The following QSOX2 variants were observed in gnomAD, a reference collection of about 807,000 sequenced individuals.
QSOX2 encodes the protein sulfhydryl oxidase 2.
A neutral mutation model predicts 61.7 loss-of-function variants in QSOX2; 46 were observed. The ratio of observed to expected loss-of-function variants is 0.75; its 90% CI spans 0.59 to 0.95. The LOEUF (loss-of-function observed/expected upper bound fraction) is 0.95, where lower values mean the gene tolerates loss of function less well. Ranked by LOEUF, QSOX2 falls within the 40% of genes least tolerant of loss-of-function variation. QSOX2 has a pLI of 0.00. For missense variants in QSOX2, 879 were observed against 918.9 expected (o/e 0.96, Z 0.56); for synonymous variants, 383 against 388.4 (o/e 0.99, Z 0.16).
At position 136,207,103 on chromosome 9, in the gene QSOX2, GCACCAGACACCGCTCC is replaced by G. The variant is rs1202216679; in HGVS notation, c.*1609_*1624del. The stretch of plus-strand genomic sequence containing the variant: ...GTGAGACACGAAGCAGCAGGCTGAC[GCACCAGACACCGCTCC>G]CACCAGACACCTCTCCCGCCAGCTG... On this transcript the variant is annotated 3_prime_UTR_variant, in exon 12 of 12. Coordinates refer to ENST00000358701, the MANE Select transcript of QSOX2 (RefSeq NM_181701.4). 1.3e-5 allele frequency: 2 copies of G among 152,228 alleles called. No individual in the cohort carries two copies. Among genetic ancestry groups the G allele is most frequent in the African/African-American group, 2.4e-5 (1 of 41,404 alleles). 9.4% of individuals were successfully genotyped at this position (152,228 alleles called of 1,614,324 possible).
In QSOX2 at chr9:136,207,749, G is replaced by C. The variant is rs369591468; in HGVS notation, c.*979C>G. The C allele has an allele frequency of 1.3e-5, 2 of 152,182 alleles. No individual in the cohort carries two copies. The highest frequency in any genetic ancestry group is 2.9e-5 in the Non-Finnish European group (2 of 68,084). 9.4% of individuals were successfully genotyped at this position (152,182 alleles called of 1,614,324 possible). A position where few individuals can be genotyped will look rare whatever the true frequency, so the allele number is the denominator to read the frequency against. ...GGTGCTGGGTGAAGAGCAGACGACA[G>C]GGGGGGCTTTAGAAGTCTCCCTGGG... On this transcript the variant is annotated 3_prime_UTR_variant, in exon 12 of 12. Coordinates refer to ENST00000358701, the MANE Select transcript of QSOX2 (RefSeq NM_181701.4).
intron 2 of QSOX2, among the ~76,000 whole-genome samples, chr9:136,225,999 C>T (rs1830276793): frequency 6.6e-6 from 1 of 152,184 alleles, no homozygotes; most frequent in African/African-American, 2.4e-5. Context: ...ACCGGTGCCG[C>T]CCAGCGTGGC....
intron 1 of QSOX2, among the ~76,000 whole-genome samples, chr9:136,236,100 C>T (rs893167900): frequency 3.6e-4 from 55 of 152,356 alleles, no homozygotes; most frequent in African/African-American, 1.3e-3. Context: ...CTCTCCCAGT[C>T]TAGACTCTGC....
At chr9:136,215,123 G>C in intron 10 of QSOX2, 31 bp downstream of exon 10, 1 of 1,600,622 alleles carries the variant, frequency 6.2e-7, no homozygotes, top group Non-Finnish European at 8.5e-7. Flanking sequence ...GCAGACCATC[G>C]GCCCCTCTGG....
At chr9:136,227,272 G>C (rs756854019) in intron 1 of QSOX2, among the ~76,000 whole-genome samples, 3 of 152,202 alleles carry the variant, frequency 2.0e-5, no homozygotes, top group Non-Finnish European at 4.4e-5. Context: ...GGTCCAGGCT[G>C]TTTGGCAAAA....
In QSOX2 at chr9:136,222,063, C is replaced by T; in HGVS notation, c.676-122G>A. The stretch of plus-strand genomic sequence containing the variant: ...AAAGGGCATGAAGTCTGTCCCCCTG[C>T]AGGCAAGACCCTCACTCAAATCTTC... On this transcript the variant is annotated intron_variant, in intron 5 of 11. Coordinates refer to ENST00000358701, the MANE Select transcript of QSOX2 (RefSeq NM_181701.4). The surrounding 1 kb of genome is among the most constrained non-coding windows in gnomAD (Gnocchi z 6.9). The T allele has an allele frequency of 3.1e-6, 3 of 969,344 alleles. No individual in the cohort carries two copies. The highest frequency in any genetic ancestry group is 4.3e-6 in the Non-Finnish European group (3 of 694,588). 60.0% of individuals were successfully genotyped at this position (969,344 alleles called of 1,614,324 possible). A position where few individuals can be genotyped will look rare whatever the true frequency, so the allele number is the denominator to read the frequency against.
intron 10 of QSOX2, among the ~76,000 whole-genome samples, chr9:136,212,585 T>C (rs1453045674): frequency 1.3e-5 from 2 of 152,258 alleles, no homozygotes; most frequent in African/African-American, 4.8e-5. Flanking sequence ...CACGGGCAGC[T>C]GGGCGGTGTC....
intron 1 of QSOX2, among the ~76,000 whole-genome samples, chr9:136,231,698 C>T (rs1830331900): frequency 6.6e-6 from 1 of 152,260 alleles, no homozygotes; most frequent in South Asian, 2.1e-4. Flanking sequence ...CCATGGCCTC[C>T]GTGCAGTTTC....
intron 10 of QSOX2, among the ~76,000 whole-genome samples, chr9:136,214,177 A>G (rs572756969): frequency 3.9e-5 from 6 of 152,248 alleles, no homozygotes; most frequent in Non-Finnish European, 8.8e-5. Context: ...GGGATAAAAA[A>G]TCCAATACAT....
chr9:136,228,879 T>C (rs962394106), intron 1 of QSOX2, among the ~76,000 whole-genome samples: 2 of 152,194 alleles, frequency 1.3e-5, no homozygotes, highest in African/African-American at 2.4e-5. Flanking sequence ...CTATAAATCA[T>C]GTAAAAAGAG....
chr9:136,226,232 C>T (rs985036593), intron 2 of QSOX2, among the ~76,000 whole-genome samples: 7 of 152,232 alleles, frequency 4.6e-5, no homozygotes, highest in African/African-American at 1.4e-4. Flanking sequence ...CAGTGGCACC[C>T]GCAGGTACAC....
Position 136,209,109 on chromosome 9 carries a change from G to A in QSOX2, c.1716C>T (p.Ser572=), listed in dbSNP as rs756832793. The part of the protein sequence containing the change: ...YGRDNLLDTY[S]ADQGDSSEGG... The stretch of plus-strand genomic sequence containing the variant: ...CTTCACTGGAATCCCCCTGGTCTGC[G>A]GAATACGTGTCTAAGAGGTTGTCGC... The change falls in exon 12 of 12, where the codon TCC becomes TCT. Residue 572 remains serine (S), a synonymous_variant. Transcript: ENST00000358701. The surrounding 1 kb of genome is among the most constrained non-coding windows in gnomAD (Gnocchi z 5.6). 12 of 1,614,042 alleles carry A rather than the reference G, an allele frequency of 7.4e-6. No homozygotes were observed. The highest frequency in any genetic ancestry group is 5.0e-5 in the Admixed American group (3 of 60,008).
chr9:136,238,805 C>A (rs1004895485), intron 1 of QSOX2, among the ~76,000 whole-genome samples: 1 of 152,254 alleles, frequency 6.6e-6, no homozygotes, highest in Non-Finnish European at 1.5e-5. Flanking sequence ...CATCTGCCTG[C>A]TGCCGGGCCC....
At chr9:136,220,183 C>T (rs1334640448) in intron 6 of QSOX2, among the ~76,000 whole-genome samples, 1 of 152,188 alleles carries the variant, frequency 6.6e-6, no homozygotes, top group African/African-American at 2.4e-5. Context: ...AGACATACTC[C>T]ACCACGCCCG....
chr9:136,215,489 A>G (rs1432251142), intron 9 of QSOX2, among the ~76,000 whole-genome samples, 185 bp from the exon 10 acceptor site: 2 of 152,196 alleles, frequency 1.3e-5, no homozygotes, highest in African/African-American at 4.8e-5. Flanking sequence ...TCAATAAAAC[A>G]AAAGAGAGGA....
chr9:136,212,245 G>A (rs937106484), intron 10 of QSOX2, among the ~76,000 whole-genome samples: 11 of 152,230 alleles, frequency 7.2e-5, no homozygotes, highest in African/African-American at 2.4e-4. Flanking sequence ...AGCATGGGGC[G>A]GGGCTCGGCA....
chr9:136,213,140 G>A (rs1249163734), intron 10 of QSOX2, among the ~76,000 whole-genome samples: 1 of 152,118 alleles, frequency 6.6e-6, no homozygotes, highest in East Asian at 1.9e-4. Flanking sequence ...CAGAGCAGAC[G>A]GAAAGGGGGA....
At chr9:136,231,596 T>C (rs975242091) in intron 1 of QSOX2, among the ~76,000 whole-genome samples, 5 of 152,374 alleles carry the variant, frequency 3.3e-5, no homozygotes, top group African/African-American at 9.6e-5. Context: ...AGGAGGCCCC[T>C]GGCCAGTGCT....
At chr9:136,213,243 GTTTTTTT>G (rs398046934) in intron 10 of QSOX2, among the ~76,000 whole-genome samples, 11 of 111,042 alleles carry the variant, frequency 9.9e-5, no homozygotes, top group African/African-American at 3.9e-4. Context: ...GTTTTGTTGT[GTTTTTTT>G]TTTTTTTTTT....
Sources: gnomAD v4.1 joint callset for allele counts (sites outside exome capture counted in the v4.1 genomes callset) on GRCh38, gnomAD v4.1.1 for gene constraint, Gnocchi (gnomAD v3.1) non-coding constraint, MANE v1.5 for transcripts, NCBI Gene and HGNC (gene_info 2026-07-23, HGNC 2026-07-21) for gene names.